The following PTPRD variants were observed in gnomAD, a reference collection of about 807,000 sequenced individuals.
PTPRD encodes receptor-type tyrosine-protein phosphatase delta.
In PTPRD, 34 loss-of-function variants were observed where a neutral mutation model predicts 214.5. That is an observed-to-expected ratio of 0.16 (90% CI 0.12 to 0.21). PTPRD has a LOEUF of 0.21. Among genes scored for constraint, PTPRD ranks in the 10% least tolerant of loss-of-function variants. The pLI is 1.00. For missense variants in PTPRD, 2,545 were observed against 2,398.7 expected (o/e 1.06, Z -1.27); for synonymous variants, 1,128 against 845.7 (o/e 1.33, Z -5.79).
intron 3 of PTPRD, among the ~76,000 whole-genome samples, chr9:10,244,742 A>G (rs1028274767): frequency 6.6e-6 from 1 of 152,142 alleles, no homozygotes; most frequent in African/African-American, 2.4e-5. Context: ...AATATTTAAA[A>G]CAGGGAGAGA....
chr9:8,492,851 G>C lies in PTPRD; in HGVS notation c.2467+11C>G, dbSNP rs375089721. On this transcript the variant is annotated intron_variant, in intron 27 of 45. Coordinates refer to ENST00000381196, the MANE Select transcript of PTPRD (RefSeq NM_002839.4). ...ACTGTTCAAGGCACATACATGCACA[G>C]ACATGATTACCTGCCCCAGTGGTGG... 1 of 1,601,090 alleles carries C rather than the reference G, an allele frequency of 6.2e-7. No individual in the cohort carries two copies. The highest frequency in any genetic ancestry group is 8.6e-7 in the Non-Finnish European group (1 of 1,168,502).
At chr9:9,439,683 G>A (rs1036951999) in intron 8 of PTPRD, among the ~76,000 whole-genome samples, 6 of 152,072 alleles carry the variant, frequency 3.9e-5, no homozygotes, top group Admixed American at 3.9e-4. Flanking sequence ...TTTGGCAAAG[G>A]GCTATTTGGC....
intron 8 of PTPRD, among the ~76,000 whole-genome samples, chr9:9,400,974 A>G (rs2070178904): frequency 6.6e-6 from 1 of 152,020 alleles, no homozygotes; most frequent in South Asian, 2.1e-4. Flanking sequence ...GGAACAGAAT[A>G]CTAAGTTGGA....
chr9:9,012,325 G>A (rs886741455), intron 11 of PTPRD, among the ~76,000 whole-genome samples: 2 of 152,124 alleles, frequency 1.3e-5, no homozygotes, highest in African/African-American at 4.8e-5. Flanking sequence ...CTTAAAGTGA[G>A]AGATAATAAA....
At chr9:8,939,106 C>A (rs986144938) in intron 11 of PTPRD, among the ~76,000 whole-genome samples, 1 of 151,848 alleles carries the variant, frequency 6.6e-6, no homozygotes, top group Non-Finnish European at 1.5e-5. Flanking sequence ...TTTAGAATAC[C>A]GCAAGGTCTT....
chr9:8,467,774 T>C (rs2096572619), intron 31 of PTPRD, among the ~76,000 whole-genome samples: 1 of 146,864 alleles, frequency 6.8e-6, no homozygotes, highest in Non-Finnish European at 1.5e-5. Flanking sequence ...ATTCTTTTCA[T>C]ATGCTAATTA....
intron 4 of PTPRD, among the ~76,000 whole-genome samples, chr9:9,947,750 G>C (rs1006882212): frequency 2.1e-5 from 3 of 142,996 alleles, no homozygotes; most frequent in African/African-American, 5.2e-5. Flanking sequence ...GTTGTGAGAA[G>C]TTCATCTTCC....
intron 11 of PTPRD, among the ~76,000 whole-genome samples, chr9:8,834,669 T>C (rs1205724760): frequency 1.3e-5 from 2 of 152,194 alleles, no homozygotes; most frequent in African/African-American, 4.8e-5. Flanking sequence ...ATTGTTCCTA[T>C]TTCAGAGACA....
intron 3 of PTPRD, among the ~76,000 whole-genome samples, chr9:10,239,490 G>T (rs1398908632): frequency 6.6e-6 from 1 of 151,892 alleles, no homozygotes; most frequent in Non-Finnish European, 1.5e-5. Flanking sequence ...CATTTTAAGT[G>T]GGGGATTTGT....
chr9:10,435,753 T>C (rs1463992970), intron 2 of PTPRD, among the ~76,000 whole-genome samples: 2 of 151,860 alleles, frequency 1.3e-5, no homozygotes, highest in Non-Finnish European at 2.9e-5. Flanking sequence ...TAATGAGGGT[T>C]ACACATTTTG....
intron 5 of PTPRD, among the ~76,000 whole-genome samples, chr9:9,921,392 CAT>C (rs1462150826): frequency 1.3e-5 from 2 of 151,914 alleles, no homozygotes; most frequent in South Asian, 2.1e-4. Flanking sequence ...TCATTCCTAA[CAT>C]AAATTCTCAC....
intron 3 of PTPRD, among the ~76,000 whole-genome samples, chr9:10,333,362 G>A (rs2096786744): frequency 6.6e-6 from 1 of 151,886 alleles, no homozygotes; most frequent in East Asian, 2.0e-4. Flanking sequence ...AGGGCAGGAA[G>A]ACATCAAAGT....
intron 44 of PTPRD, among the ~76,000 whole-genome samples, chr9:8,320,180 G>C (rs1488566664): frequency 6.6e-6 from 1 of 152,098 alleles, no homozygotes; most frequent in Non-Finnish European, 1.5e-5. Flanking sequence ...TTAGGAGTAA[G>C]TCTAATAAAA....
At chr9:10,192,350 T>C (rs1353920784) in intron 3 of PTPRD, among the ~76,000 whole-genome samples, 1 of 141,032 alleles carries the variant, frequency 7.1e-6, no homozygotes, top group Non-Finnish European at 1.5e-5. Flanking sequence ...GGTAGCTTAA[T>C]ACAACAGAAA....
At chr9:8,847,742 T>C (rs190627461) in intron 11 of PTPRD, among the ~76,000 whole-genome samples, 2 of 124,852 alleles carry the variant, frequency 1.6e-5, no homozygotes, top group East Asian at 2.0e-4. Context: ...TAAACTATTA[T>C]AAAATAGGTT....
chr9:9,358,534 T>C (rs1041437682), intron 9 of PTPRD, among the ~76,000 whole-genome samples: 4 of 151,286 alleles, frequency 2.6e-5, no homozygotes, highest in African/African-American at 9.7e-5. Flanking sequence ...GAATGTCATA[T>C]TTTTGCCTTT....
intron 14 of PTPRD, among the ~76,000 whole-genome samples, chr9:8,542,687 A>G (rs180899343): frequency 6.6e-6 from 1 of 152,350 alleles, no homozygotes; most frequent in African/African-American, 2.4e-5. Flanking sequence ...TCAGTTGAAC[A>G]CTGATCCAGC....
chr9:10,504,454 A>G (rs1021918038), intron 2 of PTPRD, among the ~76,000 whole-genome samples: 5 of 152,158 alleles, frequency 3.3e-5, no homozygotes, highest in African/African-American at 1.2e-4. Flanking sequence ...TGATTGCCAC[A>G]TGGTATTATT....
At chr9:8,519,721 GTTCT>G (rs1488221241) in intron 20 of PTPRD, among the ~76,000 whole-genome samples, 1 of 152,054 alleles carries the variant, frequency 6.6e-6, no homozygotes, top group Non-Finnish European at 1.5e-5. Flanking sequence ...TCTTCAACCT[GTTCT>G]TTTGTTTTGA....
Sources: allele counts gnomAD v4.1 joint callset (sites outside exome capture counted in the v4.1 genomes callset), GRCh38; gene constraint gnomAD v4.1.1; transcripts MANE v1.5; gene names NCBI Gene and HGNC (gene_info 2026-07-23, HGNC 2026-07-21).